CD163L1: variants seen among roughly 807,000 people sequenced by gnomAD.
The protein encoded by CD163L1 is scavenger receptor cysteine-rich type 1 protein M160.
CD163L1 carries 124 observed loss-of-function variants against 165.4 expected under a neutral mutation model. The ratio of observed to expected loss-of-function variants is 0.75; its 90% CI spans 0.65 to 0.87. The LOEUF is 0.87. Ranked by LOEUF, CD163L1 falls within the 40% of genes least tolerant of loss-of-function variation. The pLI, the probability that CD163L1 is intolerant of heterozygous loss-of-function variation, is 0.00. For synonymous variants in CD163L1, 585 were observed against 662.2 expected (o/e 0.88, Z 1.79); for missense variants, 1,525 against 1,799.9 (o/e 0.85, Z 2.76).
downstream of CD163L1, among the ~76,000 whole-genome samples, chr12:7,351,737 G>C (rs1418048725): frequency 6.6e-6 from 1 of 152,046 alleles, no homozygotes; most frequent in Admixed American, 6.6e-5. Context: ...ATAAACCAGG[G>C]CTCCTTGGAA....
chr12:7,435,199 A>G (rs1948699558), intron 2 of CD163L1, among the ~76,000 whole-genome samples: 1 of 151,930 alleles, frequency 6.6e-6, no homozygotes, highest in South Asian at 2.1e-4. Flanking sequence ...ATTTCTACTA[A>G]TTTTTAGACA....
chr12:7,439,204 A>G, intron 2 of CD163L1: 3 of 1,580,144 alleles, frequency 1.9e-6, no homozygotes, highest in Non-Finnish European at 2.6e-6. Context: ...CACTTGATTC[A>G]GATTCCACCT....
chr12:7,357,524 A>G, intron 18 of CD163L1, 38 bp from the exon 19 acceptor site: 1 of 1,574,418 alleles, frequency 6.4e-7, no homozygotes, highest in Non-Finnish European at 8.7e-7. Flanking sequence ...TGAATAGTAG[A>G]AAACCTCTCT....
intron 8 of CD163L1, among the ~76,000 whole-genome samples, chr12:7,393,405 T>C (rs1947702739): frequency 6.6e-6 from 1 of 152,130 alleles, no homozygotes; most frequent in Non-Finnish European, 1.5e-5. Flanking sequence ...ATAAACTAGG[T>C]ATTGATGGAA....
chr12:7,340,068 G>C, the CD163L1 span, among the ~76,000 whole-genome samples: 2 of 152,038 alleles, frequency 1.3e-5, no homozygotes, highest in Non-Finnish European at 2.9e-5. Context: ...TTCCTTTTCT[G>C]CTGTCTTTTT....
intron 4 of CD163L1, among the ~76,000 whole-genome samples, chr12:7,414,185 G>A (rs950981253): frequency 6.6e-6 from 1 of 151,866 alleles, no homozygotes; most frequent in Non-Finnish European, 1.5e-5. Flanking sequence ...GAAACTCAAT[G>A]GACTAAAGAG....
downstream of CD163L1, among the ~76,000 whole-genome samples, chr12:7,342,161 A>C (rs996822030): frequency 2.6e-5 from 4 of 152,172 alleles, no homozygotes; most frequent in African/African-American, 9.6e-5. Context: ...GGCCATAAAC[A>C]AAATCTCTGC....
chr12:7,367,256 G>A lies in CD163L1; in HGVS notation c.4259C>T (p.Pro1420Leu), dbSNP rs1352730184. 1 of 1,612,500 alleles carries A rather than the reference G, an allele frequency of 6.2e-7. No homozygotes were observed. The highest frequency in any genetic ancestry group is 8.5e-7 in the Non-Finnish European group (1 of 1,178,914). ...CAGACCTGAGGTTCTTGTCCCATGT[G>A]GGTCCTCTCTCTTGAGGCAGGTCTC... is the stretch of plus-strand genomic sequence containing the variant. ...EMETCLKRED[P>L]HGTRTSDDTP... The change falls in exon 18 of 20, where the codon CCA becomes CTA. Residue 1420 changes from proline (P) to leucine (L), a missense_variant. Transcript: ENST00000313599.
At chr12:7,332,849 T>C in the CD163L1 span, among the ~76,000 whole-genome samples, 3 of 152,120 alleles carry the variant, frequency 2.0e-5, no homozygotes, top group South Asian at 2.1e-4. Context: ...GTAAAGACCA[T>C]TGATGCTAGG....
chr12:7,346,025 A>C (rs989624420), downstream of CD163L1, among the ~76,000 whole-genome samples: 1 of 152,194 alleles, frequency 6.6e-6, no homozygotes, highest in Non-Finnish European at 1.5e-5. Flanking sequence ...CCAATCTCCA[A>C]CTTCGGGGCC....
At chr12:7,439,023 C>G in intron 2 of CD163L1, 9 of 1,605,884 alleles carry the variant, frequency 5.6e-6, no homozygotes, top group Non-Finnish European at 7.6e-6. Flanking sequence ...CCTCTGACAT[C>G]GGTATCCTCC....
chr12:7,389,884 A>C (rs1591913641), intron 8 of CD163L1, among the ~76,000 whole-genome samples: 1 of 149,966 alleles, frequency 6.7e-6, no homozygotes, highest in East Asian at 1.9e-4. Flanking sequence ...CACTATTCAC[A>C]ATAGCCATGA....
Position 7,433,469 on chromosome 12 carries a change from C to T in CD163L1, c.350G>A (p.Cys117Tyr). 6.2e-7 allele frequency: 1 copy of T among 1,614,094 alleles called. No homozygotes were observed. Among genetic ancestry groups the T allele is most frequent in the Non-Finnish European group, 8.5e-7 (1 of 1,179,976 alleles). Reference sequence around the variant, plus strand: ...CCAGAGAGCTGACTCATTTCCATAACAGGAAACATCATCAAGCCAAATTTT... The same window carrying T: ...CCAGAGAGCTGACTCATTTCCATAATAGGAAACATCATCAAGCCAAATTTT... ...HGKIWLDDVS[C>Y]YGNESALWEC... Residue 117 changes from cysteine to tyrosine, a missense_variant, in exon 3 of 20, where the codon TGT becomes TAT. Transcript: ENST00000313599.
intron 5 of CD163L1, 52 bp downstream of exon 5, chr12:7,406,480 T>A: frequency 1.3e-6 from 2 of 1,567,716 alleles, no homozygotes; most frequent in South Asian, 2.4e-5. Flanking sequence ...TTGGTCCTAG[T>A]TCTCCAAAAA....
At chr12:7,329,737 A>G in the CD163L1 span, among the ~76,000 whole-genome samples, 1 of 152,190 alleles carries the variant, frequency 6.6e-6, no homozygotes, top group Non-Finnish European at 1.5e-5. Context: ...TGTCAGTAAA[A>G]ATAAATAGTT....
At chr12:7,342,973 C>T (rs2136357161), downstream of CD163L1, among the ~76,000 whole-genome samples, 1 of 152,290 alleles carries the variant, frequency 6.6e-6, no homozygotes. Context: ...TACCTGTTTA[C>T]CTGCTCTTCC....
rs1188094594 is a variant in CD163L1 at position 7,372,281 on chromosome 12, AATAC to A, written c.3730+1035_3730+1038del. On this transcript the variant is annotated intron_variant, in intron 14 of 19. Coordinates refer to ENST00000313599, the MANE Select transcript of CD163L1 (RefSeq NM_174941.6). This position sits in a 1 kb window ranked among gnomAD's most constrained non-coding sequence, Gnocchi z 4.2. ...TATACTGGGGATAAGAATGAAAACT[AATAC>A]ATAGGCTTTCTGCTGGAGCAATTAA... Among the ~76,000 whole-genome samples, 1 of 152,100 alleles carries A rather than the reference AATAC, an allele frequency of 6.6e-6. No homozygotes were observed. Among genetic ancestry groups the A allele is most frequent in the Non-Finnish European group, 1.5e-5 (1 of 67,956 alleles).
chr12:7,412,976 A>T (rs1948166996), intron 4 of CD163L1, among the ~76,000 whole-genome samples: 1 of 150,780 alleles, frequency 6.6e-6, no homozygotes, highest in Non-Finnish European at 1.5e-5. Flanking sequence ...GGTGCCTATA[A>T]TCCCAGCCAC....
intron 4 of CD163L1, among the ~76,000 whole-genome samples, chr12:7,429,329 A>AT (rs778464256): frequency 6.6e-6 from 1 of 152,206 alleles, no homozygotes; most frequent in Admixed American, 6.5e-5. Context: ...TTTATAGAAA[A>AT]TTTGTAAACC....
Sources: allele counts gnomAD v4.1 joint callset (sites outside exome capture counted in the v4.1 genomes callset), GRCh38; gene constraint gnomAD v4.1.1; non-coding constraint Gnocchi (gnomAD v3.1); transcripts MANE v1.5; gene names NCBI Gene and HGNC (gene_info 2026-07-23, HGNC 2026-07-21).